TNS3: variants seen among roughly 807,000 people sequenced by gnomAD.
TNS3 encodes the protein tensin 3.
In TNS3, 45 loss-of-function variants were observed where a neutral mutation model predicts 140.9. That is an observed-to-expected ratio of 0.32 (90% CI 0.25 to 0.41). The LOEUF is 0.41. Ranked by LOEUF, TNS3 falls within the 10% of genes least tolerant of loss-of-function variation. The pLI, the probability that TNS3 is intolerant of heterozygous loss-of-function variation, is 1.00. For missense variants in TNS3, 1,716 were observed against 1,906.7 expected, an observed-to-expected ratio of 0.90 and a Z score of 1.86; for synonymous variants, 815 against 788.4, an observed-to-expected ratio of 1.03 and a Z score of -0.56.
At chr7:47,474,320 T>A (rs926821968) in intron 4 of TNS3, among the ~76,000 whole-genome samples, 6 of 121,486 alleles carry the variant, frequency 4.9e-5, no homozygotes, top group Non-Finnish European at 1.0e-4. Flanking sequence ...ACACCTCACA[T>A]AACCCACACA....
chr7:47,433,673 G>A (rs1246403724), intron 8 of TNS3, among the ~76,000 whole-genome samples: 1 of 152,174 alleles, frequency 6.6e-6, no homozygotes, highest in Non-Finnish European at 1.5e-5. Flanking sequence ...AGGTCTGGGT[G>A]TGCCCTAGAA....
At chr7:47,382,339 G>T (rs11974534) in intron 16 of TNS3, among the ~76,000 whole-genome samples, 2,876 of 152,212 alleles carry the variant, frequency 0.019, 95 homozygotes, top group African/African-American at 0.066. Flanking sequence ...TGAATATATG[G>T]CAACAGGCAC....
chr7:47,474,391 CAA>C (rs1797088650), intron 4 of TNS3, among the ~76,000 whole-genome samples: 1 of 147,876 alleles, frequency 6.8e-6, no homozygotes, highest in African/African-American at 2.5e-5. Flanking sequence ...AACACATACA[CAA>C]AATAAGCAAC....
chr7:47,429,463 G>A (rs539053867), intron 8 of TNS3, among the ~76,000 whole-genome samples: 5 of 152,230 alleles, frequency 3.3e-5, no homozygotes, highest in African/African-American at 1.2e-4. Flanking sequence ...CGCCTCCCGG[G>A]TTCACGCCAT....
At chr7:47,452,912 C>T (rs780433897) in intron 4 of TNS3, 25 of 985,346 alleles carry the variant, frequency 2.5e-5, no homozygotes, top group East Asian at 1.1e-4. Flanking sequence ...AGAGGCGGCA[C>T]GTGGGGAGTT....
At chr7:47,422,735 C>T (rs182277486) in intron 10 of TNS3, among the ~76,000 whole-genome samples, 3 of 152,104 alleles carry the variant, frequency 2.0e-5, no homozygotes, top group East Asian at 1.9e-4. Flanking sequence ...AAAGAAAAGA[C>T]GACAGCTGGA....
At chr7:47,387,367 G>C (rs1251413870) in intron 16 of TNS3, among the ~76,000 whole-genome samples, 1 of 152,186 alleles carries the variant, frequency 6.6e-6, no homozygotes, top group African/African-American at 2.4e-5. Flanking sequence ...GACCCCAAGA[G>C]TGTTGTTACT....
At chr7:47,368,330 T>A in intron 17 of TNS3, 35 bp downstream of exon 17, 1 of 1,445,992 alleles carries the variant, frequency 6.9e-7, no homozygotes. Context: ...GTGGAGCACC[T>A]CCCGTGGAGC....
chr7:47,315,058 A>G (rs1018986509), intron 20 of TNS3, among the ~76,000 whole-genome samples: 2 of 152,230 alleles, frequency 1.3e-5, no homozygotes, highest in African/African-American at 2.4e-5. Context: ...GAGGCCACAC[A>G]GGGATGCTGT....
At chr7:47,397,317 G>A (rs1279270180) in intron 15 of TNS3, among the ~76,000 whole-genome samples, 8 of 152,114 alleles carry the variant, frequency 5.3e-5, no homozygotes, top group African/African-American at 1.9e-4. Flanking sequence ...ATACCAAGGG[G>A]ATTTTTAACA....
intron 1 of TNS3, chr7:47,579,755 T>C (rs1465528487): frequency 2.9e-6 from 2 of 684,528 alleles, no homozygotes; most frequent in Non-Finnish European, 3.6e-6. Context: ...GGTATTTTAC[T>C]CATCTGTAAA....
intron 16 of TNS3, among the ~76,000 whole-genome samples, chr7:47,394,499 T>C (rs1792713221): frequency 6.6e-6 from 1 of 152,214 alleles, no homozygotes; most frequent in Admixed American, 6.5e-5. Context: ...GACACCCAGG[T>C]TATGGTCATC....
At chr7:47,561,471 C>CT (rs983928103) in intron 1 of TNS3, among the ~76,000 whole-genome samples, 3 of 151,878 alleles carry the variant, frequency 2.0e-5, no homozygotes, top group African/African-American at 7.3e-5. Flanking sequence ...TTTCTTAACT[C>CT]TTTTTTTTAA....
intron 16 of TNS3, among the ~76,000 whole-genome samples, chr7:47,371,543 C>T (rs1396591545): frequency 6.6e-6 from 1 of 152,122 alleles, no homozygotes; most frequent in Non-Finnish European, 1.5e-5. Context: ...TGTCAGTGGC[C>T]CTGCCCACAA....
At chr7:47,380,707 A>C (rs1191468624) in intron 16 of TNS3, among the ~76,000 whole-genome samples, 7 of 152,112 alleles carry the variant, frequency 4.6e-5, no homozygotes, top group Non-Finnish European at 1.0e-4. Context: ...TACAGAAGCC[A>C]CACACATGCA....
chr7:47,358,525 T>C (rs886912887), intron 17 of TNS3, among the ~76,000 whole-genome samples: 5 of 152,192 alleles, frequency 3.3e-5, no homozygotes, highest in Non-Finnish European at 7.3e-5. Flanking sequence ...CCACATGGGC[T>C]GCGCTGAACA....
At chr7:47,428,275 A>C in intron 9 of TNS3, 37 bp downstream of exon 9, 1 of 1,369,212 alleles carries the variant, frequency 7.3e-7, no homozygotes, top group South Asian at 2.0e-5. Flanking sequence ...CCCAGCTTTT[A>C]GCACCTCAAG....
At position 47,293,791 on chromosome 7, in the gene TNS3, C is replaced by CA; in HGVS notation, c.3713dup (p.Leu1238PhefsTer17). The CA allele has an allele frequency of 6.2e-7, 1 of 1,614,150 alleles. No homozygotes were observed. The highest frequency in any genetic ancestry group is 8.5e-7 in the Non-Finnish European group (1 of 1,180,032). On this transcript the variant is annotated frameshift_variant, in exon 25 of 31. Transcript: ENST00000311160. LOFTEE classifies it high-confidence loss of function. ...GCACTCCCTTCGGGGTACACTCGAT[C>CA]AAAAAGTGCCGGACGAGTTCATTGG...
intron 20 of TNS3, among the ~76,000 whole-genome samples, chr7:47,325,382 T>C (rs1456637695): frequency 6.6e-6 from 1 of 152,064 alleles, no homozygotes; most frequent in East Asian, 1.9e-4. Flanking sequence ...CCACCTGCCT[T>C]CTCCACCCAG....
Sources: gnomAD v4.1 joint callset for allele counts (sites outside exome capture counted in the v4.1 genomes callset) on GRCh38, gnomAD v4.1.1 for gene constraint, MANE v1.5 for transcripts, NCBI Gene and HGNC (gene_info 2026-07-23, HGNC 2026-07-21) for gene names.